The following MED24 variants were observed in gnomAD, a reference collection of about 807,000 sequenced individuals.
The protein encoded by MED24 is mediator of RNA polymerase II transcription subunit 24.
In MED24, 74 loss-of-function variants were observed where a neutral mutation model predicts 118.8. The observed-to-expected ratio is 0.62, with a 90% CI of 0.52 to 0.76. The LOEUF is 0.76. Among genes scored for constraint, MED24 ranks in the 30% least tolerant of loss-of-function variants. The pLI is 0.00. For missense variants in MED24, 1,041 were observed against 1,278.9 expected (o/e 0.81, Z 2.84); for synonymous variants, 521 against 523.9 (o/e 0.99, Z 0.08).
chr17:40,041,807 C>T (rs1393759720), intron 3 of MED24, among the ~76,000 whole-genome samples: 1 of 152,144 alleles, frequency 6.6e-6, no homozygotes, highest in East Asian at 1.9e-4. Flanking sequence ...TTTTCTGCTG[C>T]CACTTCCCAA....
At chr17:40,052,797 CACA>C (rs1371647114) in intron 3 of MED24, among the ~76,000 whole-genome samples, 3 of 152,112 alleles carry the variant, frequency 2.0e-5, no homozygotes, top group African/African-American at 7.2e-5. Flanking sequence ...TAATATTCAT[CACA>C]ACAAATGAAG....
rs1442583945 is a variant in MED24 at position 40,035,195 on chromosome 17, A to G, written c.481T>C (p.Cys161Arg). 2 of 1,614,014 alleles carry G rather than the reference A, an allele frequency of 1.2e-6. No individual in the cohort carries two copies. Among genetic ancestry groups the G allele is most frequent in the African/African-American group, 2.7e-5 (2 of 74,908 alleles). The change falls in exon 6 of 26, where the codon TGC becomes CGC. Residue 161 changes from cysteine (C) to arginine (R), a missense_variant. Cys to Arg is a radical substitution (Grantham distance 180). Around this residue, in one of 3 missense-constraint regions of MED24, gnomAD observed 434 missense variants for 514.9 expected, o/e 0.84. Coordinates refer to ENST00000394128, the MANE Select transcript of MED24 (RefSeq NM_014815.4). ...PAAGEKQLAM[C>R]LQRLEKTLSS... ...AGGGTTTTCTCCAGGCGCTGAAGGC[A>G]CATGGCAAGCTGCTTCTCCCCAGCG...
At chr17:40,024,256 C>G (rs187432714) in intron 19 of MED24, among the ~76,000 whole-genome samples, 3 of 152,158 alleles carry the variant, frequency 2.0e-5, no homozygotes, top group African/African-American at 2.4e-5. Context: ...TCCTCAGGCC[C>G]GGTGCGGTGG....
intron 3 of MED24, among the ~76,000 whole-genome samples, chr17:40,051,474 C>A (rs537751568): frequency 1.3e-5 from 2 of 150,480 alleles, no homozygotes; most frequent in African/African-American, 4.9e-5. Context: ...ATTAGCTGGG[C>A]ATAGTGGCAC....
At chr17:40,034,093 A>G (rs905128217) in intron 6 of MED24, among the ~76,000 whole-genome samples, 6 of 152,160 alleles carry the variant, frequency 3.9e-5, no homozygotes, top group African/African-American at 1.2e-4. Flanking sequence ...GCACTGAACT[A>G]TAAGTTACTT....
chr17:40,047,341 G>A (rs1174921753), intron 3 of MED24, among the ~76,000 whole-genome samples: 2 of 152,020 alleles, frequency 1.3e-5, no homozygotes, highest in Non-Finnish European at 2.9e-5. Flanking sequence ...TTGGATGCTG[G>A]TGACATGGGT....
At chr17:40,046,933 C>T (rs1347881230) in intron 3 of MED24, among the ~76,000 whole-genome samples, 1 of 152,000 alleles carries the variant, frequency 6.6e-6, no homozygotes, top group Non-Finnish European at 1.5e-5. Context: ...ATAGGAAGAT[C>T]CCATCTTTAC....
In MED24 at chr17:40,019,822, C is replaced by A. The variant is rs1483917583; in HGVS notation, c.2816G>T (p.Gly939Val). The change falls in exon 25 of 26, where the codon GGC becomes GTC. Residue 939 changes from glycine (G) to valine (V), a missense_variant. This residue lies in a region of MED24 where 587 missense variants were observed against 694.4 expected (regional missense o/e 0.85). Coordinates refer to ENST00000394128, the MANE Select transcript of MED24 (RefSeq NM_014815.4). ...CATGAACTGCAGGACGCTGCCACGG[C>A]CACCCTGCTCCAGGCAGTCCACACA... Reference protein sequence around the residue: ...EECVDCLEQGGRGSVLQFMPF... With the variant: ...EECVDCLEQGVRGSVLQFMPF... 1 of 1,603,736 alleles carries A rather than the reference C, an allele frequency of 6.2e-7. No individual in the cohort carries two copies. The highest frequency in any genetic ancestry group is 8.5e-7 in the Non-Finnish European group (1 of 1,174,864).
chr17:40,020,844 G>T (rs368494472), intron 23 of MED24, among the ~76,000 whole-genome samples: 1 of 151,998 alleles, frequency 6.6e-6, no homozygotes, highest in African/African-American at 2.4e-5. Flanking sequence ...AGGCCAAGGC[G>T]GGTGGATCAT....
chr17:40,046,694 C>T (rs890466277), intron 3 of MED24, among the ~76,000 whole-genome samples: 3 of 150,938 alleles, frequency 2.0e-5, no homozygotes, highest in African/African-American at 7.3e-5. Flanking sequence ...TGCAGTGAGC[C>T]GAGATCCCGC....
intron 6 of MED24, chr17:40,034,850 A>AGGGGGGGGGGGGGGGGGGGGG: frequency 5.3e-6 from 2 of 379,390 alleles, no homozygotes; most frequent in Non-Finnish European, 1.0e-5. Context: ...CTCCTTTGGT[A>AGGGGGGGGGGGGGGGGGGGGG]GCCCCCCACC....
intron 10 of MED24, 138 bp from the exon 11 acceptor site, chr17:40,031,758 G>A (rs2144905812): frequency 3.7e-6 from 3 of 806,566 alleles, no homozygotes; most frequent in South Asian, 1.7e-5. Context: ...TGTTGTGGGT[G>A]CACGCAGACG....
chr17:40,035,013 C>A, intron 6 of MED24, 104 bp downstream of exon 6: 1 of 1,612,722 alleles, frequency 6.2e-7, no homozygotes, highest in Non-Finnish European at 8.5e-7. Flanking sequence ...GGTTTCAGAT[C>A]CTCCTGGAAA....
Position 40,026,188 on chromosome 17 carries a change from A to G in MED24, c.1953T>C (p.Phe651=), listed in dbSNP as rs1331109220. 2.5e-6 allele frequency: 4 copies of G among 1,614,214 alleles called. No homozygotes were observed. Among genetic ancestry groups the G allele is most frequent in the Middle Eastern group, 1.6e-4 (1 of 6,062 alleles). Residue 651 remains phenylalanine (F), a synonymous_variant, in exon 19 of 26, where the codon TTT becomes TTC. Coordinates refer to ENST00000394128, the MANE Select transcript of MED24 (RefSeq NM_014815.4). ...TGTAGAACTGCAGGGTGTTCTCACT[A>G]AACAGTGGCCCTGCCAGCTGGCGGA... The part of the protein sequence containing the change: ...QMIRQLAGPL[F]SENTLQFYNE...
At chr17:40,037,231 G>GGAAGGAAAGAAGGAAA (rs990865670) in intron 3 of MED24, among the ~76,000 whole-genome samples, 7,605 of 150,610 alleles carry the variant, frequency 0.05, 689 homozygotes, top group African/African-American at 0.18. Flanking sequence ...AAGGAAGGAA[G>GGAAGGAAAGAAGGAAA]GAAGGAAAGA....
intron 23 of MED24, among the ~76,000 whole-genome samples, chr17:40,021,646 C>T (rs559167262): frequency 6.6e-6 from 1 of 152,212 alleles, no homozygotes; most frequent in South Asian, 2.1e-4. Context: ...GCAGTGAACT[C>T]ACTCACTTGG....
intron 3 of MED24, among the ~76,000 whole-genome samples, chr17:40,043,252 A>AT (rs1441289034): frequency 1.3e-5 from 2 of 151,920 alleles, no homozygotes; most frequent in African/African-American, 2.4e-5. Flanking sequence ...TAATAATGAG[A>AT]TTTTCCCTTC....
At chr17:40,032,251 G>A (rs1488556420) in intron 9 of MED24, 161 bp from the exon 10 acceptor site, 5 of 793,900 alleles carry the variant, frequency 6.3e-6, no homozygotes, top group Admixed American at 2.8e-5. Context: ...AAGCCAATAG[G>A]TGCCCAGGCC....
chr17:40,053,690 C>T lies in MED24; in HGVS notation c.-37-55G>A, dbSNP rs767895438. 25 of 1,600,464 alleles carry T rather than the reference C, an allele frequency of 1.6e-5. No homozygotes were observed. The Admixed American group carries it at 3.7e-4, about 24-fold the overall frequency. On this transcript the variant is annotated intron_variant, in intron 1 of 25. Transcript: ENST00000394128. ...AAAGGACATGAGGTTCTAAGGAGAA[C>T]CGGGGAAGGCAGAATTAAATAGAAA...
Sources: allele counts gnomAD v4.1 joint callset (sites outside exome capture counted in the v4.1 genomes callset), GRCh38; gene constraint gnomAD v4.1.1; regional missense constraint gnomAD v4.1.1; transcripts MANE v1.5; gene names NCBI Gene and HGNC (gene_info 2026-07-23, HGNC 2026-07-21).